Variants in PVT1 observed in about 807,000 individuals in gnomAD.
PVT1 encodes the protein Pvt1 oncogene.
chr8:127,837,898 A>ATT (rs778300631), intron 2 of PVT1, among the ~76,000 whole-genome samples: 9 of 139,168 alleles, frequency 6.5e-5, no homozygotes, highest in African/African-American at 1.3e-4. Flanking sequence ...ATTATTTATG[A>ATT]TTTTTTTTTT....
At chr8:128,098,129 G>A (rs980757004) in intron 6 of PVT1, among the ~76,000 whole-genome samples, 2 of 151,922 alleles carry the variant, frequency 1.3e-5, no homozygotes, top group Non-Finnish European at 2.9e-5. Context: ...CCTTCCCCCC[G>A]CCCCACCATG....
intron 2 of PVT1, among the ~76,000 whole-genome samples, chr8:127,824,257 A>G (rs775980227): frequency 6.6e-6 from 1 of 152,208 alleles, no homozygotes; most frequent in Non-Finnish European, 1.5e-5. Flanking sequence ...TTACTGTAAA[A>G]TGGGAATAAT....
intron 2 of PVT1, among the ~76,000 whole-genome samples, chr8:127,867,581 A>T (rs1815298803): frequency 6.6e-6 from 1 of 152,226 alleles, no homozygotes; most frequent in African/African-American, 2.4e-5. Context: ...CCTGTCTGAC[A>T]AAGGCCGGGC....
chr8:128,026,440 C>G (rs1221518622), intron 4 of PVT1, among the ~76,000 whole-genome samples: 1 of 152,042 alleles, frequency 6.6e-6, no homozygotes, highest in African/African-American at 2.4e-5. Context: ...CCTTTTGCAG[C>G]AGGTGTTATT....
At position 127,839,574 on chromosome 8, in the gene PVT1, GA is replaced by G. The variant is rs61194690; in HGVS notation, n.372+43513del. Among the ~76,000 whole-genome samples, 1,052 of 134,436 alleles carry G rather than the reference GA, an allele frequency of 7.8e-3. 17 individuals carry two copies. Among genetic ancestry groups the G allele is most frequent in the African/African-American group, 0.026 (971 of 36,688 alleles). The allele number at this position is 134,436 out of a possible 152,430, so 88.2% of individuals were successfully genotyped here. On this transcript the variant is annotated intron_variant and non_coding_transcript_variant, in intron 2 of 10. Transcript: ENST00000651587. Reference sequence around the variant, plus strand: ...CAAAAATAAAAAATAAAAAAAAAATGAAAAAAAAAATAAAAAAAAATAAATA... The same window carrying G: ...CAAAAATAAAAAATAAAAAAAAAATGAAAAAAAAATAAAAAAAAATAAATA...
chr8:127,906,446 A>T (rs1006918077), intron 3 of PVT1, among the ~76,000 whole-genome samples: 1 of 152,170 alleles, frequency 6.6e-6, no homozygotes, highest in African/African-American at 2.4e-5. Context: ...CTTCCTGAGG[A>T]TGATAAATGT....
intron 5 of PVT1, among the ~76,000 whole-genome samples, chr8:128,079,289 G>A (rs1814142074): frequency 1.3e-5 from 2 of 152,138 alleles, no homozygotes; most frequent in Admixed American, 1.3e-4. Context: ...CTCTCTGTGT[G>A]TATGTAAATT....
intron 4 of PVT1, among the ~76,000 whole-genome samples, chr8:128,030,668 ACTTACTGT>A (rs1409457356): frequency 3.9e-5 from 6 of 152,232 alleles, no homozygotes; most frequent in Non-Finnish European, 7.3e-5. Context: ...TGTGTGCCTC[ACTTACTGT>A]CATCTCCCCA....
At chr8:127,950,610 G>C (rs1394962626) in intron 3 of PVT1, among the ~76,000 whole-genome samples, 1 of 152,192 alleles carries the variant, frequency 6.6e-6, no homozygotes, top group East Asian at 1.9e-4. Flanking sequence ...TTGGGGGATG[G>C]GAAGAGACAG....
chr8:127,977,292 A>G (rs888179733), intron 3 of PVT1, among the ~76,000 whole-genome samples: 4 of 152,096 alleles, frequency 2.6e-5, no homozygotes, highest in African/African-American at 9.7e-5. Flanking sequence ...CCTGGGGGGA[A>G]ACTGAAGCTG....
intron 3 of PVT1, among the ~76,000 whole-genome samples, chr8:127,988,358 T>A (rs1024777324): frequency 6.6e-6 from 1 of 152,208 alleles, no homozygotes; most frequent in African/African-American, 2.4e-5. Flanking sequence ...CACCGTACTG[T>A]AAATGTATGA....
chr8:128,028,846 T>C (rs1377993085), intron 4 of PVT1, among the ~76,000 whole-genome samples: 6 of 152,108 alleles, frequency 3.9e-5, no homozygotes, highest in Non-Finnish European at 7.3e-5. Context: ...TTAAATGTTA[T>C]TTTTTATTAT....
At chr8:127,846,992 TTTTTTTTTTTGTTG>T (rs1275748143) in intron 2 of PVT1, among the ~76,000 whole-genome samples, 4 of 99,904 alleles carry the variant, frequency 4.0e-5, no homozygotes, top group Non-Finnish European at 6.1e-5. Flanking sequence ...TTTTTTTTTT[TTTTTTTTTTTGTTG>T]TTGTTGTTGT....
chr8:127,975,202 C>T (rs1816810371), intron 3 of PVT1, among the ~76,000 whole-genome samples: 1 of 152,150 alleles, frequency 6.6e-6, no homozygotes, highest in Non-Finnish European at 1.5e-5. Flanking sequence ...AGTCAAAGGG[C>T]ACAGTTTTAT....
chr8:127,972,879 T>G (rs1816780136), intron 3 of PVT1, among the ~76,000 whole-genome samples: 1 of 152,188 alleles, frequency 6.6e-6, no homozygotes, highest in African/African-American at 2.4e-5. Flanking sequence ...CAGCCAAGTT[T>G]GAGCTGTATA....
chr8:128,027,069 A>G (rs1462112259), intron 4 of PVT1, among the ~76,000 whole-genome samples: 1 of 151,986 alleles, frequency 6.6e-6, no homozygotes, highest in African/African-American at 2.4e-5. Flanking sequence ...GCTTCCATTT[A>G]TGTGTGGATC....
At chr8:127,948,906 G>A (rs35716862) in intron 3 of PVT1, among the ~76,000 whole-genome samples, 2,477 of 152,300 alleles carry the variant, frequency 0.016, 32 homozygotes, top group Middle Eastern at 0.041. Context: ...CACCCTCTCT[G>A]AACCCCCTTG....
intron 2 of PVT1, among the ~76,000 whole-genome samples, chr8:127,872,248 C>T (rs1411519984): frequency 6.6e-6 from 1 of 151,814 alleles, no homozygotes; most frequent in Non-Finnish European, 1.5e-5. Context: ...ACCTTATCTC[C>T]ACTAAAAATA....
rs373255612 is a variant in PVT1, at chr8:128,093,211, C to A, written n.1115-3307C>A. The stretch of plus-strand genomic sequence containing the variant: ...GGGCTTCTCTCCCCACTTCTGTTTT[C>A]TCATCAGTAAAATGGGGATAAGCAT... On this transcript the variant is annotated intron_variant and non_coding_transcript_variant, in intron 5 of 10. Coordinates refer to ENST00000651587, the Ensembl canonical transcript of PVT1. 5.9e-5 allele frequency among the ~76,000 whole-genome samples: 9 copies of A among 152,302 alleles called. No individual in the cohort carries two copies. The South Asian group carries it at 1.9e-3, about 32-fold the overall frequency.
Sources: gnomAD v4.1 joint callset for allele counts (sites outside exome capture counted in the v4.1 genomes callset) on GRCh38, gnomAD v4.1.1 for gene constraint, MANE v1.5 for transcripts, NCBI Gene and HGNC (gene_info 2026-07-23, HGNC 2026-07-21) for gene names.